The following SNX22 variants were observed in gnomAD, a reference collection of about 807,000 sequenced individuals.
The protein encoded by SNX22 is sorting nexin-22.
SNX22 carries 23 observed loss-of-function variants against 24.7 expected under a neutral mutation model. The ratio of observed to expected loss-of-function variants is 0.93; its 90% CI spans 0.67 to 1.32. SNX22 has a LOEUF of 1.32. Among genes scored for constraint, SNX22 ranks in the 40% most tolerant of loss-of-function variants. SNX22 has a pLI of 0.00. For synonymous variants in SNX22, 99 were observed against 104.0 expected (o/e 0.95, Z 0.29); for missense variants, 261 against 249.9 (o/e 1.04, Z -0.30).
Position 64,153,987 on chromosome 15 carries a change from T to C in SNX22, c.445T>C (p.Cys149Arg). The change falls in exon 6 of 7, where the codon TGC (cysteine) becomes CGC (arginine). Residue 149 changes from cysteine (C) to arginine (R), a missense_variant. Physicochemically the swap from Cys to Arg is radical, Grantham distance 180. Transcript: ENST00000325881. Reference sequence around the variant, plus strand: ...GAGCTTCCATGTGGATCCCTATGTTTGCAACCCCTCCCCAGGTGAGGAGGT... The same window carrying C: ...GAGCTTCCATGTGGATCCCTATGTTCGCAACCCCTCCCCAGGTGAGGAGGT... ...VLSFHVDPYVCNPSPESLPNV... is the reference protein window; with the variant it reads ...VLSFHVDPYVRNPSPESLPNV... The C allele has an allele frequency of 6.2e-7, 1 of 1,614,018 alleles. No individual in the cohort carries two copies. Among genetic ancestry groups the C allele is most frequent in the Non-Finnish European group, 8.5e-7 (1 of 1,179,978 alleles).
intron 3 of SNX22, 197 bp from the exon 4 acceptor site, chr15:64,153,048 A>C (rs1207159828): frequency 4.5e-6 from 3 of 673,066 alleles, no homozygotes; most frequent in Non-Finnish European, 7.5e-6. Flanking sequence ...CCCCAACAGC[A>C]AAGCTATGCC....
rs752107712 is a variant in SNX22 at position 64,152,753 on chromosome 15, G to C, written c.264+11G>C. The C allele has an allele frequency of 6.2e-7, 1 of 1,612,934 alleles. No homozygotes were observed. Among genetic ancestry groups the C allele is most frequent in the East Asian group, 2.2e-5 (1 of 44,874 alleles). On this transcript the variant is annotated intron_variant, in intron 3 of 6. Coordinates refer to ENST00000325881, the MANE Select transcript of SNX22 (RefSeq NM_024798.3). ...GAGGCTTACATCCAGGTATGCGAGA[G>C]CACAGTTGGTTGCCCCCCGGCCTTC...
intron 1 of SNX22, 184 bp downstream of exon 1, chr15:64,152,034 C>T: frequency 2.6e-6 from 2 of 766,568 alleles, no homozygotes; most frequent in South Asian, 2.1e-5. Context: ...ATGGTTCGAG[C>T]TCTTGAGGGA....
chr15:64,154,121 C>G, intron 6 of SNX22, 119 bp downstream of exon 6: 1 of 1,606,574 alleles, frequency 6.2e-7, no homozygotes, highest in Non-Finnish European at 8.5e-7. Context: ...CCACTACCTC[C>G]TGCTCCTGTC....
Position 64,154,536 on chromosome 15 carries a change from TAAGA to T in SNX22, c.*32_*35del. ...AGTCCAGAGGCCTTTGGCTGCCTCC[TAAGA>T]AAGTCATGTGCCTCTGTCCTATGAA... On this transcript the variant is annotated 3_prime_UTR_variant, in exon 7 of 7. Transcript: ENST00000325881. 6.2e-7 allele frequency: 1 copy of T among 1,611,816 alleles called. No homozygotes were observed. The highest frequency in any genetic ancestry group is 8.5e-7 in the Non-Finnish European group (1 of 1,178,514).
In SNX22 at chr15:64,151,910, G is replaced by C. The variant is rs1466219374; in HGVS notation, c.75+60G>C. 5 of 1,451,898 alleles carry C rather than the reference G, an allele frequency of 3.4e-6. No homozygotes were observed. The East Asian group carries it at 8.1e-5, about 23-fold the overall frequency. 89.9% of individuals were successfully genotyped at this position (1,451,898 alleles called of 1,614,324 possible). Reference sequence around the variant, plus strand: ...GACCCGCAGGATTTCCCCGCGCTGCGCTCAGTGGGGACCCGGGGCCCGGGC... The same window carrying C: ...GACCCGCAGGATTTCCCCGCGCTGCCCTCAGTGGGGACCCGGGGCCCGGGC... On this transcript the variant is annotated intron_variant, in intron 1 of 6. Coordinates refer to ENST00000325881, the MANE Select transcript of SNX22 (RefSeq NM_024798.3).
At position 64,156,030 on chromosome 15, in the gene SNX22, T is replaced by C. The variant is rs2081527763; in HGVS notation, c.*1522T>C. 1 of 1,614,178 alleles carries C rather than the reference T, an allele frequency of 6.2e-7. No homozygotes were observed. Among genetic ancestry groups the C allele is most frequent in the South Asian group, 1.1e-5 (1 of 91,082 alleles). ...GAAAGATGTCCCTGTGCCCTACTCCTTGGCGATGGCAAAGGGCTTCTCCAC... is the reference window on the plus strand; with the variant it reads ...GAAAGATGTCCCTGTGCCCTACTCCCTGGCGATGGCAAAGGGCTTCTCCAC... On this transcript the variant is annotated 3_prime_UTR_variant, in exon 7 of 7. Coordinates refer to ENST00000325881, the MANE Select transcript of SNX22 (RefSeq NM_024798.3). The surrounding 1 kb of genome is among the most constrained non-coding windows in gnomAD (Gnocchi z 6.4).
In SNX22 at chr15:64,154,441, G is replaced by GC; in HGVS notation, c.516dup (p.Ile173HisfsTer5). On this transcript the variant is annotated frameshift_variant, in exon 7 of 7. Transcript: ENST00000325881. LOFTEE classifies it low-confidence loss of function (END_TRUNC). ...GTGCTCCAGGGCCTCTACAGCTTCAGCATCAGCCCAGATAAAGCCCAGCCA... is the reference window on the plus strand; with the variant it reads ...GTGCTCCAGGGCCTCTACAGCTTCAGCCATCAGCCCAGATAAAGCCCAGCCA... 6.2e-7 allele frequency: 1 copy of GC among 1,614,160 alleles called. No individual in the cohort carries two copies. The highest frequency in any genetic ancestry group is 8.5e-7 in the Non-Finnish European group (1 of 1,180,036).
rs367916633 is a variant in SNX22 at position 64,155,989 on chromosome 15, C to A, written c.*1481C>A. The A allele has an allele frequency of 6.2e-7, 1 of 1,614,032 alleles. No individual in the cohort carries two copies. Among genetic ancestry groups the A allele is most frequent in the South Asian group, 1.1e-5 (1 of 91,082 alleles). Reference sequence around the variant, plus strand: ...CCTGTGGCGGACTACAGGGCCTGCACAGACGGTCACTCAAAGAAAGATGTC... The same window carrying A: ...CCTGTGGCGGACTACAGGGCCTGCAAAGACGGTCACTCAAAGAAAGATGTC... On this transcript the variant is annotated 3_prime_UTR_variant, in exon 7 of 7. Transcript: ENST00000325881.
chr15:64,151,922 C>T (rs573747613), intron 1 of SNX22, 72 bp downstream of exon 1: 579 of 1,373,838 alleles, frequency 4.2e-4, no homozygotes, highest in Non-Finnish European at 5.3e-4. Flanking sequence ...TCAGTGGGGA[C>T]CCGGGGCCCG....
At position 64,154,481 on chromosome 15, in the gene SNX22, C is replaced by A. The variant is rs1420611988; in HGVS notation, c.555C>A (p.His185Gln). Residue 185 changes from histidine (H) to glutamine (Q), a missense_variant, in exon 7 of 7, where the codon CAC becomes CAA. Transcript: ENST00000325881. ...PDKAQPKAAC[H>Q]PAPLPPMP ...AAGCCCAGCCAAAGGCGGCCTGTCA[C>A]CCTGCTCCTCTGCCACCGATGCCCT... 6.2e-7 allele frequency: 1 copy of A among 1,614,204 alleles called. No individual in the cohort carries two copies. The highest frequency in any genetic ancestry group is 1.7e-5 in the Admixed American group (1 of 60,026).
chr15:64,152,377 C>G (rs1191316624), intron 2 of SNX22, 51 bp downstream of exon 2: 1 of 1,470,388 alleles, frequency 6.8e-7, no homozygotes, highest in South Asian at 1.3e-5. Context: ...CTGTCCAGCC[C>G]CCGCCCAGGC....
Position 64,155,510 on chromosome 15 carries a change from CAAAAAAAAA to C in SNX22, c.*1018_*1026del, listed in dbSNP as rs3056904. ...GCAACATAGTGAGACCTGTCTCTAC[CAAAAAAAAA>C]AAAAAAAAAAAAAAATCAATTTAGA... On this transcript the variant is annotated 3_prime_UTR_variant, in exon 7 of 7. Coordinates refer to ENST00000325881, the MANE Select transcript of SNX22 (RefSeq NM_024798.3). The C allele has an allele frequency of 0.018, 2,215 of 124,466 alleles. 2 individuals are homozygous for C. The highest frequency in any genetic ancestry group is 0.031 in the Admixed American group (428 of 13,902). The allele number at this position is 124,466 out of a possible 1,614,324, so 7.7% of individuals were successfully genotyped here. A position where few individuals can be genotyped will look rare whatever the true frequency, so the allele number is the denominator to read the frequency against.
chr15:64,156,516 C>G lies in SNX22; in HGVS notation c.*2008C>G. The G allele has an allele frequency of 1.5e-6, 1 of 684,974 alleles. No homozygotes were observed. The highest frequency in any genetic ancestry group is 2.4e-5 in the Admixed American group (1 of 41,824). 42.4% of individuals were successfully genotyped at this position (684,974 alleles called of 1,614,324 possible). A position where few individuals can be genotyped will look rare whatever the true frequency, so the allele number is the denominator to read the frequency against. On this transcript the variant is annotated 3_prime_UTR_variant, in exon 7 of 7. Transcript: ENST00000325881. The surrounding 1 kb of genome is among the most constrained non-coding windows in gnomAD (Gnocchi z 6.4). ...GAGGGAGGCTCTGGCAGTTGTGCAG[C>G]CTTCCTGGCTGGGCTCTGAGGGGGC...
chr15:64,156,665 G>T lies in SNX22; in HGVS notation c.*2157G>T, dbSNP rs1323991636. ...TGGACACATGGAGCTCCTGCCCTGGGGTCTGTGTTGAATCCCCGGTGAGGA... is the reference window on the plus strand; with the variant it reads ...TGGACACATGGAGCTCCTGCCCTGGTGTCTGTGTTGAATCCCCGGTGAGGA... On this transcript the variant is annotated 3_prime_UTR_variant, in exon 7 of 7. Transcript: ENST00000325881. The surrounding 1 kb of genome is among the most constrained non-coding windows in gnomAD (Gnocchi z 6.4). 5 of 1,594,948 alleles carry T rather than the reference G, an allele frequency of 3.1e-6. No homozygotes were observed. The East Asian group carries it at 6.7e-5, about 21-fold the overall frequency.
Sources: gnomAD v4.1 joint callset for allele counts on GRCh38, gnomAD v4.1.1 for gene constraint, Gnocchi (gnomAD v3.1) non-coding constraint, MANE v1.5 for transcripts, NCBI Gene and HGNC (gene_info 2026-07-23, HGNC 2026-07-21) for gene names.